ADAMTS1: variants seen among roughly 807,000 people sequenced by gnomAD.
ADAMTS1 encodes ADAM metallopeptidase with thrombospondin type 1 motif 1.
ADAMTS1 carries 19 observed loss-of-function variants against 87.9 expected under a neutral mutation model. The observed-to-expected ratio is 0.22, with a 90% CI of 0.15 to 0.32. The LOEUF is 0.32. Ranked by LOEUF, ADAMTS1 falls within the 10% of genes least tolerant of loss-of-function variation. ADAMTS1 has a pLI of 1.00. For missense variants in ADAMTS1, 1,240 were observed against 1,259.1 expected (o/e 0.98, Z 0.23); for synonymous variants, 542 against 501.8 (o/e 1.08, Z -1.07).
Position 26,844,364 on chromosome 21 carries a change from C to T in ADAMTS1, c.591G>A (p.Thr197=). The T allele has an allele frequency of 6.3e-7, 1 of 1,596,690 alleles. No homozygotes were observed. ...GGGGCTCGTCGTCCACGACCCCGCA[C>T]GTGCCGCCGACGTCGCCCTGCCGAT... ...RRNRQGDVGG[T]CGVVDDEPRP... The change falls in exon 1 of 9, where the codon ACG becomes ACA. Residue 197 remains threonine (T), a synonymous_variant. Transcript: ENST00000284984.
rs1278785254 is a variant in ADAMTS1, at chr21:26,841,025, T to G, written c.1351A>C (p.Ile451Leu). ...TGACCATTATCCAGAAATGATGTAA[T>G]CATGTAGGCACTGCAAGGAGACCAA... ...QPWSPCSAYM[I>L]TSFLDNGHGE... The change falls in exon 4 of 9, where the codon ATT (isoleucine) becomes CTT (leucine). Residue 451 changes from isoleucine to leucine, a missense_variant. Coordinates refer to ENST00000284984, the MANE Select transcript of ADAMTS1 (RefSeq NM_006988.5). The G allele has an allele frequency of 1.2e-6, 2 of 1,614,034 alleles. No individual in the cohort carries two copies. Among genetic ancestry groups the G allele is most frequent in the African/African-American group, 2.7e-5 (2 of 74,924 alleles).
Position 26,839,624 on chromosome 21 carries a change from G to A in ADAMTS1, c.1991C>T (p.Ala664Val). 6.2e-7 allele frequency: 1 copy of A among 1,609,446 alleles called. No homozygotes were observed. Among genetic ancestry groups the A allele is most frequent in the Non-Finnish European group, 8.5e-7 (1 of 1,176,170 alleles). ...AACGAAGAAGTAGCCAATGCCTTTG[G>A]CTTGGCAGATGAGCTTGCACCTGTC... is the stretch of plus-strand genomic sequence containing the variant. ...PKDRCKLICQAKGIGYFFVLQ... is the reference protein window; with the variant it reads ...PKDRCKLICQVKGIGYFFVLQ... The change falls in exon 7 of 9, where the codon GCC (alanine) becomes GTC (valine). Residue 664 changes from alanine to valine, a missense_variant. By Grantham distance (64) the Ala-to-Val change is moderately conservative (BLOSUM62 0). Around this residue, in one of 3 missense-constraint regions of ADAMTS1, gnomAD observed 402 missense variants for 399.1 expected, o/e 1.01. Coordinates refer to ENST00000284984, the MANE Select transcript of ADAMTS1 (RefSeq NM_006988.5).
chr21:26,844,212 G>C lies in ADAMTS1; in HGVS notation c.730+13C>G. On this transcript the variant is annotated intron_variant, in intron 1 of 8. Coordinates refer to ENST00000284984, the MANE Select transcript of ADAMTS1 (RefSeq NM_006988.5). ...AGGATGAATGGACAGACAAACGAGA[G>C]CAATTCTTCTACCTGTGGGCTGTCC... 6.5e-7 allele frequency: 1 copy of C among 1,529,242 alleles called. No individual in the cohort carries two copies. The highest frequency in any genetic ancestry group is 8.8e-7 in the Non-Finnish European group (1 of 1,138,068). 94.7% of individuals were successfully genotyped at this position (1,529,242 alleles called of 1,614,324 possible).
intron 2 of ADAMTS1, 98 bp downstream of exon 2, chr21:26,842,241 A>T: frequency 8.0e-7 from 1 of 1,247,210 alleles, no homozygotes; most frequent in Non-Finnish European, 1.1e-6. Context: ...AAAAAGGTTA[A>T]CTGCAAAAAC....
rs779788427 is a variant in ADAMTS1 at position 26,841,161 on chromosome 21, G to A, written c.1215C>T (p.His405=). 11 of 1,613,918 alleles carry A rather than the reference G, an allele frequency of 6.8e-6. No homozygotes were observed. The highest frequency in any genetic ancestry group is 2.2e-5 in the East Asian group (1 of 44,890). Residue 405 remains histidine (H), a synonymous_variant, in exon 4 of 9, where the codon CAC becomes CAT. Transcript: ENST00000284984. ...CATCATCATGTGGCATGTTAAACAC[G>A]TGGCCTAGGAAGCAATCCAGAACCC... ...AAFTTAHELG[H]VFNMPHDDAK...
rs143875765 is a variant in ADAMTS1, at chr21:26,845,377, G to A, written c.-423C>T. ...GGTAGCGCACCCTGGCTTTGCAATA[G>A]CCCCTGGCTCGGAGCCGCTTTCCAG... On this transcript the variant is annotated 5_prime_UTR_variant, in exon 1 of 9. Coordinates refer to ENST00000284984, the MANE Select transcript of ADAMTS1 (RefSeq NM_006988.5). The A allele has an allele frequency of 3.0e-5, 5 of 166,982 alleles. No individual in the cohort carries two copies. Among genetic ancestry groups the A allele is most frequent in the African/African-American group, 4.7e-5 (2 of 42,162 alleles). 10.3% of individuals were successfully genotyped at this position (166,982 alleles called of 1,614,324 possible). A position where few individuals can be genotyped will look rare whatever the true frequency, so the allele number is the denominator to read the frequency against.
rs2123313523 is a variant in ADAMTS1 at position 26,836,393 on chromosome 21, T to A, written c.*1186A>T. 6.5e-6 allele frequency: 1 copy of A among 152,722 alleles called. No homozygotes were observed. The highest frequency in any genetic ancestry group is 1.5e-5 in the Non-Finnish European group (1 of 68,022). The allele number at this position is 152,722 out of a possible 1,614,324, so 9.5% of individuals were successfully genotyped here. On this transcript the variant is annotated 3_prime_UTR_variant, in exon 9 of 9. Coordinates refer to ENST00000284984, the MANE Select transcript of ADAMTS1 (RefSeq NM_006988.5). ...ATTTAAAAGTTTTTTTCATTAGAAATAAATGTATAAAAATAAATATGTTAT... is the reference window on the plus strand; with the variant it reads ...ATTTAAAAGTTTTTTTCATTAGAAAAAAATGTATAAAAATAAATATGTTAT...
chr21:26,837,306 C>T lies in ADAMTS1; in HGVS notation c.*273G>A. On this transcript the variant is annotated 3_prime_UTR_variant, in exon 9 of 9. Coordinates refer to ENST00000284984, the MANE Select transcript of ADAMTS1 (RefSeq NM_006988.5). ...TTTTCTAAACTTGTAATAGATGTAA[C>T]AAAAGAAATAATAATAATAATGCCC... 1 of 347,780 alleles carries T rather than the reference C, an allele frequency of 2.9e-6. No individual in the cohort carries two copies. Among genetic ancestry groups the T allele is most frequent in the Non-Finnish European group, 5.2e-6 (1 of 191,502 alleles). 21.5% of individuals were successfully genotyped at this position (347,780 alleles called of 1,614,324 possible). A position where few individuals can be genotyped will look rare whatever the true frequency, so the allele number is the denominator to read the frequency against.
At position 26,841,172 on chromosome 21, in the gene ADAMTS1, A is replaced by G. The variant is rs1179116170; in HGVS notation, c.1211-7T>C. The G allele has an allele frequency of 1.2e-6, 2 of 1,613,800 alleles. No individual in the cohort carries two copies. Among genetic ancestry groups the G allele is most frequent in the South Asian group, 2.2e-5 (2 of 91,076 alleles). The stretch of plus-strand genomic sequence containing the variant: ...GGCATGTTAAACACGTGGCCTAGGA[A>G]GCAATCCAGAACCCACATTAAAGTA... On this transcript the variant is annotated splice_region_variant and splice_polypyrimidine_tract_variant and intron_variant, in intron 3 of 8. Coordinates refer to ENST00000284984, the MANE Select transcript of ADAMTS1 (RefSeq NM_006988.5).
Position 26,844,961 on chromosome 21 carries a change from C to T in ADAMTS1, c.-7G>A. The T allele has an allele frequency of 6.7e-7, 1 of 1,498,854 alleles. No individual in the cohort carries two copies. Among genetic ancestry groups the T allele is most frequent in the Non-Finnish European group, 8.9e-7 (1 of 1,127,276 alleles). The allele number at this position is 1,498,854 out of a possible 1,614,324, so 92.8% of individuals were successfully genotyped here. On this transcript the variant is annotated 5_prime_UTR_variant, in exon 1 of 9. Transcript: ENST00000284984. ...CGGGCACAGCTCGCTGCATTGGAGC[C>T]CCAGGAGACACCGCTCGTAGCAGCG...
Position 26,844,449 on chromosome 21 carries a change from GCGAGGCGCT to G in ADAMTS1, c.497_505del (p.Glu166_Leu168del). On this transcript the variant is annotated inframe_deletion, in exon 1 of 9. Transcript: ENST00000284984. ...CGGCTTCTCCCCTGGGGCGGCGGTG[GCGAGGCGCT>G]CGCTGGCGGCGGGCAGCGGCTGGAT... The G allele has an allele frequency of 6.3e-7, 1 of 1,587,440 alleles. No homozygotes were observed. Among genetic ancestry groups the G allele is most frequent in the Non-Finnish European group, 8.6e-7 (1 of 1,166,740 alleles).
chr21:26,844,833 G>A lies in ADAMTS1; in HGVS notation c.122C>T (p.Ala41Val). Residue 41 changes from alanine (A) to valine (V), a missense_variant, in exon 1 of 9, where the codon GCG (alanine) becomes GTG (valine). Around this residue, in one of 3 missense-constraint regions of ADAMTS1, gnomAD observed 521 missense variants for 449.7 expected, o/e 1.16. Coordinates refer to ENST00000284984, the MANE Select transcript of ADAMTS1 (RefSeq NM_006988.5). ...TGCGTCCGACACGGCCAGTAGCGCC[G>A]CGGCGAGCAGCAGCAGCGTGGGTAC... ...GPVPTLLLLA[A>V]ALLAVSDALG... 1 of 1,552,884 alleles carries A rather than the reference G, an allele frequency of 6.4e-7. No individual in the cohort carries two copies. Among genetic ancestry groups the A allele is most frequent in the Non-Finnish European group, 8.7e-7 (1 of 1,149,392 alleles).
intron 1 of ADAMTS1, 132 bp downstream of exon 1, chr21:26,844,093 A>G (rs764150559): frequency 8.6e-7 from 1 of 1,158,540 alleles, no homozygotes; most frequent in Non-Finnish European, 1.2e-6. Context: ...ACATTCCTCC[A>G]CTCCAGGCCT....
chr21:26,841,368 A>G, intron 3 of ADAMTS1: 1 of 509,530 alleles, frequency 2.0e-6, no homozygotes, highest in Admixed American at 3.5e-5. Context: ...AATCCCAGCT[A>G]CTGGGCATGC....
At position 26,839,772 on chromosome 21, in the gene ADAMTS1, G is replaced by C. The variant is rs150438091; in HGVS notation, c.1853-10C>G. 313 of 1,604,340 alleles carry C rather than the reference G, an allele frequency of 2.0e-4. No individual in the cohort carries two copies. In the African/African-American group the frequency reaches 3.6e-3, roughly 19 times the overall value. ...TCTCTAAAGGTTTTTCCTGGAAAGA[G>C]AATAATATGATAACATTATCAGTTT... On this transcript the variant is annotated splice_polypyrimidine_tract_variant and intron_variant, in intron 6 of 8. Transcript: ENST00000284984.
At position 26,844,466 on chromosome 21, in the gene ADAMTS1, G is replaced by T; in HGVS notation, c.489C>A (p.Ala163=). The change falls in exon 1 of 9, where the codon GCC becomes GCA. Residue 163 remains alanine, a synonymous_variant. Transcript: ENST00000284984. ...CGGCGGTGGCGAGGCGCTCGCTGGC[G>T]GCGGGCAGCGGCTGGATGAAATACG... The part of the protein sequence containing the change: ...GEAYFIQPLP[A]ASERLATAAP... The T allele has an allele frequency of 6.3e-7, 1 of 1,585,238 alleles. No individual in the cohort carries two copies. Among genetic ancestry groups the T allele is most frequent in the Non-Finnish European group, 8.6e-7 (1 of 1,165,542 alleles).
chr21:26,843,213 C>G (rs1156933137), intron 1 of ADAMTS1, among the ~76,000 whole-genome samples: 1 of 152,164 alleles, frequency 6.6e-6, no homozygotes, highest in Non-Finnish European at 1.5e-5. Flanking sequence ...TTGCCAATTC[C>G]GGGCACAAGG....
At chr21:26,844,089 C>T in intron 1 of ADAMTS1, 136 bp downstream of exon 1, 1 of 1,133,798 alleles carries the variant, frequency 8.8e-7, no homozygotes, top group Non-Finnish European at 1.2e-6. Flanking sequence ...AACCACATTC[C>T]TCCACTCCAG....
intron 4 of ADAMTS1, 152 bp from the exon 5 acceptor site, chr21:26,840,714 TA>T: frequency 2.2e-6 from 2 of 912,244 alleles, no homozygotes; most frequent in Non-Finnish European, 3.2e-6. Context: ...TGAAGAGATT[TA>T]GATTACTATT....
Sources: allele counts gnomAD v4.1 joint callset (sites outside exome capture counted in the v4.1 genomes callset), GRCh38; gene constraint gnomAD v4.1.1; regional missense constraint gnomAD v4.1.1; transcripts MANE v1.5; gene names NCBI Gene and HGNC (gene_info 2026-07-23, HGNC 2026-07-21).